The following PML variants were observed in gnomAD, a reference collection of about 807,000 sequenced individuals.
PML encodes the protein PML nuclear body scaffold, also known as protein PML.
PML carries 28 observed loss-of-function variants against 65.2 expected under a neutral mutation model. The ratio of observed to expected loss-of-function variants is 0.43; its 90% CI spans 0.32 to 0.59. PML has a LOEUF of 0.59. Among genes scored for constraint, PML ranks in the 20% least tolerant of loss-of-function variants. The pLI is 0.08. For missense variants in PML, 1,021 were observed against 1,203.4 expected (o/e 0.85, Z 2.24); for synonymous variants, 500 against 508.8 (o/e 0.98, Z 0.23).
chr15:74,015,139 C>G (rs2070513850), intron 2 of PML, among the ~76,000 whole-genome samples: 2 of 152,216 alleles, frequency 1.3e-5, no homozygotes, highest in Admixed American at 1.3e-4. Flanking sequence ...CAGGCTTTCC[C>G]CTCTCCAACA....
rs1301188848 is a variant in PML at position 74,045,190 on chromosome 15, G to T, written c.*182G>T. ...CTTCTCTAAACATCCTACAGAGAAG[G>T]TTCCAAAGCTGAGCACCCATCACCC... On this transcript the variant is annotated 3_prime_UTR_variant, in exon 9 of 9. Coordinates refer to ENST00000268058, the MANE Select transcript of PML (RefSeq NM_033238.3). 3 of 622,564 alleles carry T rather than the reference G, an allele frequency of 4.8e-6. No homozygotes were observed. 38.6% of individuals were successfully genotyped at this position (622,564 alleles called of 1,614,324 possible). A position where few individuals can be genotyped will look rare whatever the true frequency, so the allele number is the denominator to read the frequency against.
Position 74,035,765 on chromosome 15 carries a change from G to A in PML, c.1710+1235G>A. 6.2e-7 allele frequency: 1 copy of A among 1,614,146 alleles called. No homozygotes were observed. The highest frequency in any genetic ancestry group is 8.5e-7 in the Non-Finnish European group (1 of 1,180,020). ...AGCTTGACATGTCTTCCGTGGTGGG[G>A]GCAGGGGAAAGCAGAGCCCAGACTC... On this transcript the variant is annotated intron_variant, in intron 7 of 8. Coordinates refer to ENST00000268058, the MANE Select transcript of PML (RefSeq NM_033238.3). The surrounding 1 kb of genome is among the most constrained non-coding windows in gnomAD (Gnocchi z 4.1).
At chr15:74,028,899 G>A (rs138255503) in intron 4 of PML, among the ~76,000 whole-genome samples, 2 of 152,234 alleles carry the variant, frequency 1.3e-5, no homozygotes, top group African/African-American at 2.4e-5. Flanking sequence ...TGATCCATTC[G>A]TCTGTTGGAC....
intron 2 of PML, among the ~76,000 whole-genome samples, chr15:74,018,322 C>CAAAA (rs10663510): frequency 6.3e-4 from 60 of 94,850 alleles, no homozygotes; most frequent in Admixed American, 3.0e-3. Context: ...GACTCAGTCT[C>CAAAA]AAAAAAAAAA....
chr15:73,998,796 A>G (rs1297278288), intron 2 of PML, among the ~76,000 whole-genome samples: 2 of 152,186 alleles, frequency 1.3e-5, no homozygotes, highest in East Asian at 3.8e-4. Context: ...CGGGAATTCT[A>G]CATTTGATAC....
At position 74,016,752 on chromosome 15, in the gene PML, C is replaced by CA. The variant is rs201224633; in HGVS notation, c.603-6069dup. 3.2e-3 allele frequency among the ~76,000 whole-genome samples: 427 copies of CA among 131,400 alleles called. 2 individuals carry two copies. The highest frequency in any genetic ancestry group is 0.011 in the African/African-American group (402 of 36,116). 86.2% of individuals were successfully genotyped at this position (131,400 alleles called of 152,430 possible). ...CTTATAAATAGTCATGAAGATCTTTCAAAAAAATATACAGTTTTGAATTTT... is the reference window on the plus strand; with the variant it reads ...CTTATAAATAGTCATGAAGATCTTTCAAAAAAAATATACAGTTTTGAATTTT... On this transcript the variant is annotated intron_variant, in intron 2 of 8. Coordinates refer to ENST00000268058, the MANE Select transcript of PML (RefSeq NM_033238.3).
At chr15:74,033,980 G>A in intron 6 of PML, 1 of 333,274 alleles carries the variant, frequency 3.0e-6, no homozygotes, top group South Asian at 3.8e-5. Context: ...CCAGAGTACA[G>A]CTTTGTTCCT....
chr15:74,008,031 G>A (rs1422716778), intron 2 of PML, among the ~76,000 whole-genome samples: 1 of 152,202 alleles, frequency 6.6e-6, no homozygotes, highest in African/African-American at 2.4e-5. Context: ...GTCATTTGTG[G>A]AAGGAAGAAG....
At chr15:74,040,586 A>G (rs1363189615) in intron 7 of PML, among the ~76,000 whole-genome samples, 1 of 152,198 alleles carries the variant, frequency 6.6e-6, no homozygotes, top group Non-Finnish European at 1.5e-5. Context: ...TGAGTCTTTC[A>G]GAAAGTCTTG....
At chr15:74,026,923 GAT>G (rs2071104663) in intron 4 of PML, 2 of 152,274 alleles carry the variant, frequency 1.3e-5, no homozygotes, top group South Asian at 4.1e-4. Flanking sequence ...AAAGTGCTGG[GAT>G]TACAGGCATA....
rs760401435 is a variant in PML at position 74,035,661 on chromosome 15, C to G, written c.1710+1131C>G. 1 of 1,614,076 alleles carries G rather than the reference C, an allele frequency of 6.2e-7. No homozygotes were observed. Among genetic ancestry groups the G allele is most frequent in the Non-Finnish European group, 8.5e-7 (1 of 1,180,008 alleles). ...ACGAGGGGCTGTGCGATCCCGCAGC[C>G]GCTCCCTCCGGGGCTCCTCCCATTT... On this transcript the variant is annotated intron_variant, in intron 7 of 8. Transcript: ENST00000268058. The surrounding 1 kb of genome is among the most constrained non-coding windows in gnomAD (Gnocchi z 4.1).
chr15:74,045,137 A>G lies in PML; in HGVS notation c.*129A>G. ...CTCAGTTGTCATTTGGTTCAGAATCAGTTCCCTTTCTCTGGGACCAAATTT... is the reference window on the plus strand; with the variant it reads ...CTCAGTTGTCATTTGGTTCAGAATCGGTTCCCTTTCTCTGGGACCAAATTT... On this transcript the variant is annotated 3_prime_UTR_variant, in exon 9 of 9. Coordinates refer to ENST00000268058, the MANE Select transcript of PML (RefSeq NM_033238.3). The G allele has an allele frequency of 1.2e-6, 1 of 859,800 alleles. No homozygotes were observed. Among genetic ancestry groups the G allele is most frequent in the East Asian group, 2.6e-5 (1 of 37,868 alleles). The allele number at this position is 859,800 out of a possible 1,614,324, so 53.3% of individuals were successfully genotyped here.
rs754797325 is a variant in PML at position 74,023,133 on chromosome 15, C to T, written c.908C>T (p.Ala303Val). The change falls in exon 3 of 9, where the codon GCG becomes GTG. Residue 303 changes from alanine to valine, a missense_variant. Ala to Val is a moderately conservative substitution (Grantham distance 64). Coordinates refer to ENST00000268058, the MANE Select transcript of PML (RefSeq NM_033238.3). ...QERELLEAVD[A>V]RYQRDYEEMA... ...CGCGAGCTGCTGGAGGCTGTGGACG[C>T]GCGGTACCAGCGCGACTACGAGGAG... 3 of 1,604,470 alleles carry T rather than the reference C, an allele frequency of 1.9e-6. No individual in the cohort carries two copies. Among genetic ancestry groups the T allele is most frequent in the African/African-American group, 1.3e-5 (1 of 74,882 alleles).
intron 2 of PML, among the ~76,000 whole-genome samples, chr15:74,018,624 T>C (rs1369354640): frequency 2.0e-5 from 3 of 152,186 alleles, no homozygotes; most frequent in African/African-American, 7.2e-5. Context: ...GCTGGGACTA[T>C]AGGCACACAA....
chr15:74,023,457 C>A, intron 3 of PML, 49 bp downstream of exon 3: 1 of 1,417,118 alleles, frequency 7.1e-7, no homozygotes, highest in Non-Finnish European at 9.8e-7. Context: ...CTGCTGCACC[C>A]TAGGGAAGGC....
chr15:74,012,410 G>A (rs924519720), intron 2 of PML, among the ~76,000 whole-genome samples: 3 of 152,092 alleles, frequency 2.0e-5, no homozygotes, highest in Non-Finnish European at 2.9e-5. Context: ...TCCTGACCTC[G>A]TGATCCACCC....
intron 7 of PML, chr15:74,036,054 T>C: frequency 6.2e-7 from 1 of 1,614,082 alleles, no homozygotes; most frequent in South Asian, 1.1e-5. Flanking sequence ...AGAGTAGCAC[T>C]CATTAATTCT....
Position 73,998,117 on chromosome 15 carries a change from G to C in PML, c.243G>C (p.Leu81=). The C allele has an allele frequency of 1.2e-6, 2 of 1,614,018 alleles. No individual in the cohort carries two copies. The highest frequency in any genetic ancestry group is 1.7e-6 in the Non-Finnish European group (2 of 1,180,022). The change falls in exon 2 of 9, where the codon CTG becomes CTC. Residue 81 remains leucine, a synonymous_variant. Coordinates refer to ENST00000268058, the MANE Select transcript of PML (RefSeq NM_033238.3). ...PCLHTLCSGC[L]EASGMQCPIC... is the part of the protein sequence containing the mutation. ...TGCACACGCTGTGCTCAGGATGCCT[G>C]GAGGCGTCGGGCATGCAGTGCCCCA...
intron 7 of PML, chr15:74,034,992 C>A: frequency 6.6e-7 from 1 of 1,512,476 alleles, no homozygotes; most frequent in Non-Finnish European, 8.8e-7. Flanking sequence ...TATATAAATC[C>A]ATTCCACAGT....
Sources: allele counts gnomAD v4.1 joint callset (sites outside exome capture counted in the v4.1 genomes callset), GRCh38; gene constraint gnomAD v4.1.1; non-coding constraint Gnocchi (gnomAD v3.1); transcripts MANE v1.5; gene names NCBI Gene and HGNC (gene_info 2026-07-23, HGNC 2026-07-21).